Variants in PALD1 observed in about 807,000 individuals in gnomAD.
PALD1 encodes phosphatase domain containing paladin 1, also known as paladin.
A neutral mutation model predicts 96.0 loss-of-function variants in PALD1; 57 were observed. The observed-to-expected ratio is 0.59, with a 90% CI of 0.48 to 0.74. The LOEUF is 0.74. PALD1 is among the 30% of genes least tolerant of loss of function. PALD1 has a pLI of 0.00. For missense variants in PALD1, 1,063 were observed against 1,143.7 expected, an observed-to-expected ratio of 0.93 and a Z score of 1.02; for synonymous variants, 464 against 473.6, an observed-to-expected ratio of 0.98 and a Z score of 0.26.
At chr10:70,537,950 C>T (rs772567339) in intron 11 of PALD1, 44 bp downstream of exon 11, 2 of 1,311,888 alleles carry the variant, frequency 1.5e-6, no homozygotes, top group Non-Finnish European at 2.2e-6. Flanking sequence ...CCTCCTGGGC[C>T]TCTCCCAGCC....
rs751711268 is a variant in PALD1, at chr10:70,529,276, C to G, written c.233C>G (p.Ala78Gly). 5 of 1,461,406 alleles carry G rather than the reference C, an allele frequency of 3.4e-6. No homozygotes were observed. The highest frequency in any genetic ancestry group is 4.6e-6 in the Non-Finnish European group (5 of 1,082,320). The allele number at this position is 1,461,406 out of a possible 1,614,324, so 90.5% of individuals were successfully genotyped here. ...CAGATCCATGATGAGCTGCTCAAGG[C>G]TCATTACACGTTGGGCCGGCTCTCG... ...EFQIHDELLK[A>G]HYTLGRLSDN... Residue 78 changes from alanine to glycine, a missense_variant, in exon 3 of 20, where the codon GCT becomes GGT. Coordinates refer to ENST00000263563, the MANE Select transcript of PALD1 (RefSeq NM_014431.3).
intron 7 of PALD1, 101 bp downstream of exon 7, chr10:70,533,171 T>A (rs899083217): frequency 1.2e-5 from 11 of 913,976 alleles, no homozygotes; most frequent in Non-Finnish European, 1.9e-5. Flanking sequence ...AGAGGAAGGC[T>A]TCATTCTGTG....
upstream of PALD1, among the ~76,000 whole-genome samples, chr10:70,478,531 C>G (rs1845865248): frequency 1.3e-5 from 2 of 152,198 alleles, no homozygotes; most frequent in Non-Finnish European, 2.9e-5. Context: ...GGAAGAGGAA[C>G]TGGCTTCCCG....
chr10:70,519,065 T>A (rs905941627), intron 1 of PALD1, among the ~76,000 whole-genome samples: 3 of 152,230 alleles, frequency 2.0e-5, no homozygotes, highest in African/African-American at 7.2e-5. Context: ...TCTCCTGTTC[T>A]GTGCCTCAGT....
intron 18 of PALD1, among the ~76,000 whole-genome samples, chr10:70,548,813 G>T (rs2132417727): frequency 6.6e-6 from 1 of 152,296 alleles, no homozygotes; most frequent in South Asian, 2.1e-4. Context: ...GCCCTGATTG[G>T]GGCAAAGGGT....
intron 1 of PALD1, among the ~76,000 whole-genome samples, chr10:70,501,813 CTGTG>C (rs71012209): frequency 7.2e-6 from 1 of 139,178 alleles, no homozygotes; most frequent in African/African-American, 2.6e-5. Flanking sequence ...CATTTTTACT[CTGTG>C]TGTGTGTGTG....
chr10:70,470,831 C>T, the PALD1 span, among the ~76,000 whole-genome samples: 1 of 150,958 alleles, frequency 6.6e-6, no homozygotes, highest in Non-Finnish European at 1.5e-5. Flanking sequence ...GGTGGAGTTT[C>T]ACTCTTATTG....
chr10:70,512,641 C>A (rs905072796), intron 1 of PALD1, among the ~76,000 whole-genome samples: 1 of 152,336 alleles, frequency 6.6e-6, no homozygotes, highest in East Asian at 1.9e-4. Context: ...GAAGCGGGGA[C>A]TGAAAGGCTT....
At chr10:70,465,780 A>G in the PALD1 span, among the ~76,000 whole-genome samples, 53,108 of 151,986 alleles carry the variant, frequency 0.35, 9,590 homozygotes, top group South Asian at 0.49. Context: ...GGCTTGTTGG[A>G]TTAGGCTGGT....
At chr10:70,519,309 G>A (rs543387299) in intron 1 of PALD1, among the ~76,000 whole-genome samples, 8 of 152,186 alleles carry the variant, frequency 5.3e-5, no homozygotes, top group South Asian at 4.2e-4. Context: ...TAAAAACAAC[G>A]GAAATTTATG....
In PALD1 at chr10:70,566,927, C is replaced by A; in HGVS notation, c.*194C>A. The A allele has an allele frequency of 3.6e-6, 2 of 559,726 alleles. No homozygotes were observed. Among genetic ancestry groups the A allele is most frequent in the Non-Finnish European group, 6.3e-6 (2 of 317,490 alleles). 34.7% of individuals were successfully genotyped at this position (559,726 alleles called of 1,614,324 possible). A position where few individuals can be genotyped will look rare whatever the true frequency, so the allele number is the denominator to read the frequency against. On this transcript the variant is annotated 3_prime_UTR_variant, in exon 20 of 20. Transcript: ENST00000263563. ...GGACAGGGAGACAGCACAGCCATCC[C>A]TTGCAAACCACCAAGGTGTGTGGCT...
rs1418623160 is a variant in PALD1 at position 70,504,735 on chromosome 10, C to G, written c.-29-21188C>G. 2.0e-5 allele frequency among the ~76,000 whole-genome samples: 3 copies of G among 152,186 alleles called. 1 individual carries two copies. Among genetic ancestry groups the G allele is most frequent in the Admixed American group, 2.0e-4 (3 of 15,280 alleles). On this transcript the variant is annotated intron_variant, in intron 1 of 19. Transcript: ENST00000263563. The stretch of plus-strand genomic sequence containing the variant: ...GACAGCTGGATTCTCATGCCTGCCT[C>G]TGCATTCAATCTATTGTGATACATT...
chr10:70,537,783 G>A, intron 10 of PALD1, 28 bp from the exon 11 acceptor site: 1 of 1,539,438 alleles, frequency 6.5e-7, no homozygotes, highest in Admixed American at 1.7e-5. Context: ...TGAGGAGTCT[G>A]TCCTTAACAC....
chr10:70,492,115 A>G (rs1846108485), intron 1 of PALD1, among the ~76,000 whole-genome samples: 1 of 152,180 alleles, frequency 6.6e-6, no homozygotes, highest in South Asian at 2.1e-4. Flanking sequence ...GTATATACTT[A>G]GCAGTGGGAT....
At chr10:70,552,114 C>T (rs898482787) in intron 18 of PALD1, among the ~76,000 whole-genome samples, 1 of 152,242 alleles carries the variant, frequency 6.6e-6, no homozygotes, top group Non-Finnish European at 1.5e-5. Flanking sequence ...TGGGCGGACA[C>T]TGAGTAGGGA....
chr10:70,560,004 G>A (rs971257425), intron 18 of PALD1, among the ~76,000 whole-genome samples: 3 of 152,214 alleles, frequency 2.0e-5, no homozygotes, highest in Admixed American at 6.5e-5. Flanking sequence ...GAAGGGGGAG[G>A]TGTAAACCTG....
At chr10:70,483,086 A>G (rs549781391) in intron 1 of PALD1, among the ~76,000 whole-genome samples, 1 of 151,988 alleles carries the variant, frequency 6.6e-6, no homozygotes, top group East Asian at 1.9e-4. Context: ...ACATGCAGAC[A>G]CCATGTCTGG....
chr10:70,500,378 C>T (rs1028653867), intron 1 of PALD1, among the ~76,000 whole-genome samples: 35 of 152,158 alleles, frequency 2.3e-4, no homozygotes, highest in African/African-American at 7.5e-4. Flanking sequence ...CATCACACCC[C>T]GCAGAGCAAC....
intron 18 of PALD1, among the ~76,000 whole-genome samples, chr10:70,555,278 A>G (rs1175340768): frequency 2.0e-5 from 3 of 151,422 alleles, no homozygotes; most frequent in Non-Finnish European, 4.4e-5. Context: ...CCTGGTTGCT[A>G]TTTGAGTTTT....
Sources: gnomAD v4.1 joint callset for allele counts (sites outside exome capture counted in the v4.1 genomes callset) on GRCh38, gnomAD v4.1.1 for gene constraint, MANE v1.5 for transcripts, NCBI Gene and HGNC (gene_info 2026-07-23, HGNC 2026-07-21) for gene names.